FOXP1: variants seen among roughly 807,000 people sequenced by gnomAD.
The protein encoded by FOXP1 is forkhead box P1.
FOXP1 carries 15 observed loss-of-function variants against 98.2 expected under a neutral mutation model. The observed-to-expected ratio is 0.15, with a 90% CI of 0.10 to 0.24. The LOEUF (loss-of-function observed/expected upper bound fraction) is 0.24. Ranked by LOEUF, FOXP1 falls within the 10% of genes least tolerant of loss-of-function variation. The pLI is 1.00. For missense variants in FOXP1, 633 were observed against 848.5 expected (o/e 0.75, Z 3.15); for synonymous variants, 371 against 314.5 (o/e 1.18, Z -1.90).
At chr3:71,072,182 C>T (rs1369074694) in intron 7 of FOXP1, among the ~76,000 whole-genome samples, 2 of 152,078 alleles carry the variant, frequency 1.3e-5, no homozygotes, top group Non-Finnish European at 2.9e-5. Context: ...ATTAGCCAGG[C>T]ATGGCATGCA....
chr3:70,984,068 A>G (rs1181914863), intron 14 of FOXP1, among the ~76,000 whole-genome samples: 1 of 152,242 alleles, frequency 6.6e-6, no homozygotes, highest in African/African-American at 2.4e-5. Context: ...AGAAAAGAAT[A>G]GAATCTTTTA....
intron 6 of FOXP1, among the ~76,000 whole-genome samples, chr3:71,182,496 A>ATGTGTGTGTGTG (rs1386870282): frequency 7.1e-6 from 1 of 140,794 alleles, no homozygotes; most frequent in African/African-American, 2.7e-5. Context: ...AGTGTAAACT[A>ATGTGTGTGTGTG]TATATATGTG....
At chr3:71,318,154 GTTTTT>G (rs56227948) in intron 4 of FOXP1, among the ~76,000 whole-genome samples, 1 of 133,250 alleles carries the variant, frequency 7.5e-6, no homozygotes, top group Admixed American at 7.5e-5. Context: ...ACCCAGCAAG[GTTTTT>G]TTTTTTTTTT....
At chr3:71,182,054 A>AAAT (rs140149126) in intron 6 of FOXP1, among the ~76,000 whole-genome samples, 2 of 142,466 alleles carry the variant, frequency 1.4e-5, no homozygotes, top group Admixed American at 7.0e-5. Context: ...AAAAAAAAGA[A>AAAT]AAAAAAAGAA....
chr3:71,129,257 C>T (rs1232197318), intron 6 of FOXP1, among the ~76,000 whole-genome samples: 2 of 152,184 alleles, frequency 1.3e-5, no homozygotes, highest in Non-Finnish European at 2.9e-5. Flanking sequence ...AACAAATTGT[C>T]CTTAAGGCAG....
At chr3:71,362,127 T>C (rs913998293) in intron 3 of FOXP1, among the ~76,000 whole-genome samples, 2 of 152,184 alleles carry the variant, frequency 1.3e-5, no homozygotes, top group Non-Finnish European at 2.9e-5. Context: ...TCAAACAAAC[T>C]TCACTAACTG....
At chr3:71,270,011 G>T (rs771197671) in intron 5 of FOXP1, among the ~76,000 whole-genome samples, 2 of 152,184 alleles carry the variant, frequency 1.3e-5, no homozygotes, top group Non-Finnish European at 2.9e-5. Flanking sequence ...CTGAGTTTCC[G>T]AGTGCTGGAG....
chr3:71,104,567 T>G (rs2057268457), intron 7 of FOXP1, among the ~76,000 whole-genome samples: 1 of 152,210 alleles, frequency 6.6e-6, no homozygotes, highest in Non-Finnish European at 1.5e-5. Flanking sequence ...CTAACTGTCA[T>G]CAACATTTTT....
intron 3 of FOXP1, among the ~76,000 whole-genome samples, chr3:71,432,974 T>C (rs2084875535): frequency 6.6e-6 from 1 of 152,006 alleles, no homozygotes; most frequent in African/African-American, 2.4e-5. Context: ...TGAATGATTC[T>C]AATGGTTAGA....
intron 2 of FOXP1, among the ~76,000 whole-genome samples, chr3:71,549,901 C>G (rs1025310519): frequency 7.9e-6 from 1 of 126,674 alleles, no homozygotes; most frequent in African/African-American, 2.8e-5. Context: ...CTCTGGTAAA[C>G]TTTTAATTTT....
chr3:71,113,712 C>CAAAATAAAATAAAATAAAATAAAAT (rs4055929), intron 6 of FOXP1, among the ~76,000 whole-genome samples: 12,288 of 102,138 alleles, frequency 0.12, 1,282 homozygotes, highest in East Asian at 0.25. Context: ...GCTTCCATCT[C>CAAAATAAAATAAAATAAAATAAAAT]AAAATAAAAT....
intron 5 of FOXP1, among the ~76,000 whole-genome samples, chr3:71,211,048 G>A (rs2064419642): frequency 6.6e-6 from 1 of 152,110 alleles, no homozygotes; most frequent in South Asian, 2.1e-4. Context: ...TGAAAACTAG[G>A]CTAAACCTGG....
chr3:71,029,873 A>AT (rs1169769281), intron 11 of FOXP1, among the ~76,000 whole-genome samples: 4 of 152,232 alleles, frequency 2.6e-5, no homozygotes, highest in Non-Finnish European at 1.5e-5. Flanking sequence ...CAGAGTTATT[A>AT]TATAATACAT....
At chr3:71,062,495 A>C (rs145456662) in intron 7 of FOXP1, among the ~76,000 whole-genome samples, 16 of 152,352 alleles carry the variant, frequency 1.1e-4, no homozygotes, top group African/African-American at 3.8e-4. Context: ...AGAAGAAAAA[A>C]ATCGAGAGTG....
chr3:71,106,119 T>C (rs868177844), intron 7 of FOXP1, among the ~76,000 whole-genome samples: 4 of 152,314 alleles, frequency 2.6e-5, no homozygotes, highest in Middle Eastern at 3.4e-3. Flanking sequence ...TGTTTCCATC[T>C]TCCTCATCCA....
At chr3:71,041,286 G>A in intron 11 of FOXP1, 42 bp downstream of exon 11, 1 of 1,562,068 alleles carries the variant, frequency 6.4e-7, no homozygotes, top group South Asian at 1.1e-5. Context: ...CCCCTCTCAT[G>A]TTAAAGGCAG....
chr3:71,108,316 A>G (rs760219202), intron 7 of FOXP1, among the ~76,000 whole-genome samples: 2 of 152,210 alleles, frequency 1.3e-5, no homozygotes, highest in African/African-American at 2.4e-5. Context: ...AACGGTGGTC[A>G]AAGTTCCAAA....
chr3:71,356,213 C>CAAA (rs3064928), intron 4 of FOXP1, among the ~76,000 whole-genome samples: 31 of 75,336 alleles, frequency 4.1e-4, no homozygotes, highest in African/African-American at 1.3e-3. Context: ...CTGACTAAGT[C>CAAA]AAAAAAAAAA....
intron 3 of FOXP1, among the ~76,000 whole-genome samples, chr3:71,412,404 G>A (rs190941781): frequency 1.9e-4 from 29 of 152,258 alleles, no homozygotes; most frequent in Admixed American, 5.9e-4. Flanking sequence ...TGATCTCATC[G>A]ACTGGGCCCC....
Sources: allele counts gnomAD v4.1 joint callset (sites outside exome capture counted in the v4.1 genomes callset), GRCh38; gene constraint gnomAD v4.1.1; transcripts MANE v1.5; gene names NCBI Gene and HGNC (gene_info 2026-07-23, HGNC 2026-07-21).